Variants in GABRG1 observed in about 807,000 individuals in gnomAD.
The protein encoded by GABRG1 is gamma-aminobutyric acid type A receptor subunit gamma1.
GABRG1 carries 49 observed loss-of-function variants against 49.8 expected under a neutral mutation model. The observed-to-expected ratio is 0.98, with a 90% CI of 0.78 to 1.25. The LOEUF (loss-of-function observed/expected upper bound fraction) is 1.25. GABRG1 is among the 50% of genes most tolerant of loss of function. GABRG1 has a pLI of 0.00. For missense variants in GABRG1, 552 were observed against 552.3 expected, an observed-to-expected ratio of 1.00 and a Z score of 0.01; for synonymous variants, 232 against 185.1, an observed-to-expected ratio of 1.25 and a Z score of -2.06.
At chr4:46,108,929 C>A (rs1234964116) in intron 1 of GABRG1, among the ~76,000 whole-genome samples, 1 of 151,034 alleles carries the variant, frequency 6.6e-6, no homozygotes, top group Non-Finnish European at 1.5e-5. Flanking sequence ...GCATTGATAA[C>A]ATAGTCTATT....
At chr4:46,047,589 C>T (rs997430947) in intron 8 of GABRG1, among the ~76,000 whole-genome samples, 1 of 151,966 alleles carries the variant, frequency 6.6e-6, no homozygotes, top group Non-Finnish European at 1.5e-5. Context: ...ATAGGTCTGG[C>T]TTTGTGATAC....
rs1281947310 is a variant in GABRG1 at position 46,065,433 on chromosome 4, G to C, written c.473C>G (p.Ala158Gly). ...TFFRNSRKSD[A>G]HWITTPNRLL... ...ACGATTAGGAGTTGTTATCCAGTGA[G>C]CATCAGATTTTCTTGAGTTTCTGAA... Residue 158 changes from alanine to glycine, a missense_variant, in exon 4 of 9, where the codon GCT becomes GGT. Transcript: ENST00000295452. The C allele has an allele frequency of 1.9e-6, 3 of 1,613,436 alleles. No individual in the cohort carries two copies. In the Admixed American group the frequency reaches 5.0e-5, roughly 27 times the overall value.
intron 3 of GABRG1, among the ~76,000 whole-genome samples, chr4:46,083,151 G>A (rs1160944922): frequency 6.6e-6 from 1 of 151,510 alleles, no homozygotes; most frequent in Non-Finnish European, 1.5e-5. Flanking sequence ...CAATACCTTG[G>A]AGTCAGGTTA....
At chr4:46,043,863 T>C (rs1577626765) in intron 8 of GABRG1, among the ~76,000 whole-genome samples, 2 of 152,096 alleles carry the variant, frequency 1.3e-5, no homozygotes, top group Admixed American at 6.6e-5. Context: ...TAATAAAATA[T>C]ATTTTAAGCA....
intron 2 of GABRG1, among the ~76,000 whole-genome samples, chr4:46,091,493 C>T (rs1719989166): frequency 6.6e-6 from 1 of 151,732 alleles, no homozygotes; most frequent in Non-Finnish European, 1.5e-5. Flanking sequence ...TCGTAATGAT[C>T]AAAGATTTTA....
intron 1 of GABRG1, among the ~76,000 whole-genome samples, chr4:46,098,720 C>T (rs1720274966): frequency 6.6e-6 from 1 of 151,604 alleles, no homozygotes; most frequent in African/African-American, 2.4e-5. Context: ...TTTTTTAGTG[C>T]TTGCCTTCTC....
At chr4:46,107,201 A>T (rs750319245) in intron 1 of GABRG1, among the ~76,000 whole-genome samples, 2 of 151,024 alleles carry the variant, frequency 1.3e-5, no homozygotes, top group Admixed American at 6.6e-5. Flanking sequence ...ACAATTGTCT[A>T]TTGATCTTTT....
intron 3 of GABRG1, among the ~76,000 whole-genome samples, chr4:46,069,326 A>G (rs1480036497): frequency 6.6e-6 from 1 of 152,114 alleles, no homozygotes; most frequent in Non-Finnish European, 1.5e-5. Context: ...AATAATTTTT[A>G]GCAGTAATGG....
At chr4:46,072,428 G>A (rs970457372) in intron 3 of GABRG1, among the ~76,000 whole-genome samples, 13 of 151,990 alleles carry the variant, frequency 8.6e-5, no homozygotes, top group African/African-American at 3.1e-4. Flanking sequence ...AGACACCCAT[G>A]GATTGAGAAC....
intron 2 of GABRG1, among the ~76,000 whole-genome samples, chr4:46,094,359 C>A (rs1250935923): frequency 2.7e-4 from 41 of 152,032 alleles, no homozygotes; most frequent in Non-Finnish European, 1.5e-5. Flanking sequence ...TACTCTAAGG[C>A]AACAGTTTAT....
At chr4:46,096,716 G>T (rs976255752) in intron 2 of GABRG1, among the ~76,000 whole-genome samples, 1 of 151,552 alleles carries the variant, frequency 6.6e-6, no homozygotes, top group African/African-American at 2.4e-5. Flanking sequence ...TAAAAAAGAC[G>T]TTTAAGCAAG....
chr4:46,083,583 C>T (rs944369182), intron 3 of GABRG1, among the ~76,000 whole-genome samples: 1 of 151,604 alleles, frequency 6.6e-6, no homozygotes, highest in African/African-American at 2.4e-5. Context: ...CTGGAAGTCC[C>T]CCTGATCTTA....
At chr4:46,088,934 C>A (rs1388744888) in intron 2 of GABRG1, among the ~76,000 whole-genome samples, 1 of 151,738 alleles carries the variant, frequency 6.6e-6, no homozygotes, top group Non-Finnish European at 1.5e-5. Context: ...TGGCAACCTG[C>A]TCTTGCTCCC....
At chr4:46,100,766 C>A (rs1468937282) in intron 1 of GABRG1, among the ~76,000 whole-genome samples, 2 of 140,422 alleles carry the variant, frequency 1.4e-5, no homozygotes, top group African/African-American at 2.6e-5. Context: ...TTTTGATAAT[C>A]TAAAATCCAC....
rs537535270 is a variant in GABRG1, at chr4:46,063,710, C to T, written c.625+731G>A. ...CTAATTAAACTAAAGAGCTTCTGCA[C>T]AGCAAAAGAAACTACCATCAGAGTG... On this transcript the variant is annotated intron_variant, in intron 5 of 8. Coordinates refer to ENST00000295452, the MANE Select transcript of GABRG1 (RefSeq NM_173536.4). Among the ~76,000 whole-genome samples, 8 of 152,108 alleles carry T rather than the reference C, an allele frequency of 5.3e-5. No individual in the cohort carries two copies. The East Asian group carries it at 1.6e-3, about 29-fold the overall frequency.
intron 8 of GABRG1, among the ~76,000 whole-genome samples, chr4:46,049,278 G>T (rs925911835): frequency 3.3e-5 from 5 of 151,812 alleles, no homozygotes; most frequent in African/African-American, 4.8e-5. Flanking sequence ...AAACAGAGTT[G>T]CCTGTTCCTC....
rs1717676184 is a variant in GABRG1 at position 46,039,558 on chromosome 4, G to C, written c.*1430C>G. The C allele has an allele frequency of 6.6e-6, 1 of 151,572 alleles. No individual in the cohort carries two copies. Among genetic ancestry groups the C allele is most frequent in the East Asian group, 1.9e-4 (1 of 5,158 alleles). The allele number at this position is 151,572 out of a possible 1,614,324, so 9.4% of individuals were successfully genotyped here. A position where few individuals can be genotyped will look rare whatever the true frequency, so the allele number is the denominator to read the frequency against. ...ATAAAACTCTTCATCATGGTCATTG[G>C]TCTTGGCAACAGAAACAATCTTTAA... is the stretch of plus-strand genomic sequence containing the variant. On this transcript the variant is annotated 3_prime_UTR_variant, in exon 9 of 9. Coordinates refer to ENST00000295452, the MANE Select transcript of GABRG1 (RefSeq NM_173536.4).
chr4:46,047,915 T>C (rs1718065474), intron 8 of GABRG1, among the ~76,000 whole-genome samples: 3 of 152,034 alleles, frequency 2.0e-5, no homozygotes, highest in Admixed American at 2.0e-4. Flanking sequence ...TTTGTCTCCA[T>C]AATGTCTCGT....
At chr4:46,053,723 C>T (rs974467216) in intron 7 of GABRG1, among the ~76,000 whole-genome samples, 1 of 151,882 alleles carries the variant, frequency 6.6e-6, no homozygotes, top group Admixed American at 6.6e-5. Flanking sequence ...ATAAATTTTA[C>T]TTTATTAAGT....
Sources: allele counts gnomAD v4.1 joint callset (sites outside exome capture counted in the v4.1 genomes callset), GRCh38; gene constraint gnomAD v4.1.1; transcripts MANE v1.5; gene names NCBI Gene and HGNC (gene_info 2026-07-23, HGNC 2026-07-21).